Variants in ARB2A observed in about 807,000 individuals in gnomAD.
ARB2A encodes ARB2 cotranscriptional regulator A.
chr5:93,663,453 G>A, the ARB2A span, among the ~76,000 whole-genome samples: 1 of 152,184 alleles, frequency 6.6e-6, no homozygotes, highest in African/African-American at 2.4e-5. Flanking sequence ...CCTAGGAGGA[G>A]AGGAGTAGGG....
At chr5:93,653,274 C>T in the ARB2A span, among the ~76,000 whole-genome samples, 4 of 151,146 alleles carry the variant, frequency 2.6e-5, no homozygotes, top group Non-Finnish European at 4.4e-5. Context: ...TTTGGGAGGC[C>T]GAGGTGGGTG....
chr5:93,918,367 T>A, the ARB2A span, among the ~76,000 whole-genome samples: 1 of 151,972 alleles, frequency 6.6e-6, no homozygotes, highest in Non-Finnish European at 1.5e-5. Flanking sequence ...CATGAAGAAG[T>A]AACTTAACTT....
chr5:93,834,473 T>C, the ARB2A span, among the ~76,000 whole-genome samples: 1 of 152,214 alleles, frequency 6.6e-6, no homozygotes, highest in Non-Finnish European at 1.5e-5. Context: ...GCCTTAGTTA[T>C]AAAAAACTCA....
the ARB2A span, among the ~76,000 whole-genome samples, chr5:93,632,805 G>A: frequency 3.3e-5 from 5 of 152,158 alleles, no homozygotes; most frequent in African/African-American, 1.2e-4. Flanking sequence ...ATATGAAGTA[G>A]GAGTTGAAAG....
At chr5:93,806,957 T>C in the ARB2A span, among the ~76,000 whole-genome samples, 1 of 152,006 alleles carries the variant, frequency 6.6e-6, no homozygotes, top group African/African-American at 2.4e-5. Context: ...TGAATTATGG[T>C]AGCAGAATTT....
At chr5:93,623,255 C>CA in the ARB2A span, among the ~76,000 whole-genome samples, 26,578 of 123,356 alleles carry the variant, frequency 0.22, 2,608 homozygotes, top group Admixed American at 0.32. Flanking sequence ...TACAATAAGC[C>CA]AAAAAAAAAA....
At chr5:93,851,825 T>C in the ARB2A span, among the ~76,000 whole-genome samples, 2 of 152,212 alleles carry the variant, frequency 1.3e-5, no homozygotes, top group Non-Finnish European at 2.9e-5. Flanking sequence ...GGTGTATATA[T>C]GCCACATTTT....
the ARB2A span, among the ~76,000 whole-genome samples, chr5:93,976,428 A>T: frequency 6.6e-6 from 1 of 152,196 alleles, no homozygotes. Flanking sequence ...GGAAGAAATA[A>T]AAGGTATCTG....
the ARB2A span, among the ~76,000 whole-genome samples, chr5:93,629,179 G>A: frequency 6.6e-6 from 1 of 152,188 alleles, no homozygotes; most frequent in Non-Finnish European, 1.5e-5. Flanking sequence ...GAGGGTAAGA[G>A]ACGGCGGAAT....
the ARB2A span, among the ~76,000 whole-genome samples, chr5:94,003,141 T>C: frequency 2.6e-5 from 4 of 152,232 alleles, no homozygotes; most frequent in East Asian, 7.7e-4. Flanking sequence ...ATAAACAACT[T>C]CAAAAGCAGA....
chr5:93,900,236 G>C, the ARB2A span, among the ~76,000 whole-genome samples: 2 of 152,058 alleles, frequency 1.3e-5, no homozygotes, highest in African/African-American at 4.8e-5. Context: ...TTTGAGGAAG[G>C]CTCTTTGCTC....
the ARB2A span, among the ~76,000 whole-genome samples, chr5:94,103,077 T>G: frequency 6.6e-6 from 1 of 151,956 alleles, no homozygotes; most frequent in Non-Finnish European, 1.5e-5. Context: ...CACACTTAAG[T>G]ACACAGACCA....
At chr5:93,693,352 G>GA in the ARB2A span, among the ~76,000 whole-genome samples, 2 of 151,784 alleles carry the variant, frequency 1.3e-5, no homozygotes, top group Non-Finnish European at 2.9e-5. Context: ...ATAGATGCAA[G>GA]AAAAAATGAT....
At chr5:93,739,920 TG>T in the ARB2A span, 2 of 145,422 alleles carry the variant, frequency 1.4e-5, no homozygotes, top group African/African-American at 5.2e-5. Flanking sequence ...CATAGTCCCA[TG>T]GGACTACATA....
At chr5:93,734,520 T>A in the ARB2A span, 1 of 152,356 alleles carries the variant, frequency 6.6e-6, no homozygotes, top group South Asian at 2.1e-4. Context: ...ATTCTGCTTA[T>A]ACTCTAAAGG....
At chr5:93,995,829 A>G in the ARB2A span, among the ~76,000 whole-genome samples, 3 of 152,208 alleles carry the variant, frequency 2.0e-5, no homozygotes, top group Non-Finnish European at 4.4e-5. Flanking sequence ...TAATATACAT[A>G]CATACATGAA....
chr5:94,011,819 C>T, the ARB2A span, among the ~76,000 whole-genome samples: 1 of 142,154 alleles, frequency 7.0e-6, no homozygotes, highest in African/African-American at 2.6e-5. Context: ...TCAAGTAGCA[C>T]AGACATGGTA....
the ARB2A span, among the ~76,000 whole-genome samples, chr5:93,879,136 T>C: frequency 6.6e-6 from 1 of 152,044 alleles, no homozygotes; most frequent in Non-Finnish European, 1.5e-5. Context: ...GGGAGATAAG[T>C]AGAGAGAAGA....
At chr5:93,763,809 A>C in the ARB2A span, among the ~76,000 whole-genome samples, 4 of 152,132 alleles carry the variant, frequency 2.6e-5, no homozygotes, top group South Asian at 2.1e-4. Flanking sequence ...TAAAGCTCTC[A>C]TCAGCAAATG....
Sources: allele counts gnomAD v4.1 joint callset (sites outside exome capture counted in the v4.1 genomes callset), GRCh38; gene constraint gnomAD v4.1.1; transcripts MANE v1.5; gene names NCBI Gene and HGNC (gene_info 2026-07-23, HGNC 2026-07-21).